Variants in ZNF549 observed in about 807,000 individuals in gnomAD.
ZNF549 encodes the protein zinc finger protein 549.
Under a neutral mutation model 11.1 loss-of-function variants are expected in ZNF549, and 11 were observed. The ratio of observed to expected loss-of-function variants is 0.99; its 90% CI spans 0.62 to 1.64. The LOEUF (loss-of-function observed/expected upper bound fraction) is 1.64, where lower values mean the gene tolerates loss of function less well. Ranked by LOEUF, ZNF549 falls within the 40% of genes most tolerant of loss-of-function variation. ZNF549 has a pLI of 0.00. For missense variants in ZNF549, 748 were observed against 765.1 expected (o/e 0.98, Z 0.26); for synonymous variants, 266 against 269.1 (o/e 0.99, Z 0.11).
Position 57,537,407 on chromosome 19 carries a change from G to A in ZNF549, c.403G>A (p.Val135Met), listed in dbSNP as rs2089930087. The change falls in exon 4 of 4, where the codon GTG (valine) becomes ATG (methionine). Residue 135 changes from valine (V) to methionine (M), a missense_variant. By Grantham distance (21) the Val-to-Met change is conservative. Transcript: ENST00000376233. ...TCCCTGGCAGAAACCTTATACGTCT[G>A]TGGCCAGTGGGAAATGGTTTTCATT... The part of the protein sequence containing the change: ...TLPWQKPYTS[V>M]ASGKWFSFGS... 3.7e-6 allele frequency: 6 copies of A among 1,614,202 alleles called. No individual in the cohort carries two copies. Among genetic ancestry groups the A allele is most frequent in the South Asian group, 1.1e-5 (1 of 91,080 alleles).
rs2089930938 is a variant in ZNF549 at position 57,537,527 on chromosome 19, A to G, written c.523A>G (p.Ile175Val). The change falls in exon 4 of 4, where the codon ATT becomes GTT. Residue 175 changes from isoleucine (I) to valine (V), a missense_variant. Coordinates refer to ENST00000376233, the MANE Select transcript of ZNF549 (RefSeq NM_001199295.2). ...TGCCTTGCTTCTGAATAGCTGCAAA[A>G]TTCCTCTGTCAGACAATCTTTTCCC... ...SSALLLNSCK[I>V]PLSDNLFPCK... 2 of 1,614,198 alleles carry G rather than the reference A, an allele frequency of 1.2e-6. No individual in the cohort carries two copies. Among genetic ancestry groups the G allele is most frequent in the Non-Finnish European group, 1.7e-6 (2 of 1,180,026 alleles).
At chr19:57,533,607 AG>A (rs2089912698) in intron 2 of ZNF549, among the ~76,000 whole-genome samples, 1 of 152,162 alleles carries the variant, frequency 6.6e-6, no homozygotes, top group Admixed American at 6.5e-5. Flanking sequence ...GCCCCCTATC[AG>A]AGTGCCTCCT....
At chr19:57,529,726 A>G (rs866730001) in intron 1 of ZNF549, among the ~76,000 whole-genome samples, 1 of 152,140 alleles carries the variant, frequency 6.6e-6, no homozygotes, top group African/African-American at 2.4e-5. Context: ...CTCTACTAAA[A>G]ATACAAAAAA....
rs2089946034 is a variant in ZNF549, at chr19:57,539,579, A to G, written c.*652A>G. 6.6e-6 allele frequency: 1 copy of G among 152,254 alleles called. No homozygotes were observed. The highest frequency in any genetic ancestry group is 1.5e-5 in the Non-Finnish European group (1 of 68,100). The allele number at this position is 152,254 out of a possible 1,614,324, so 9.4% of individuals were successfully genotyped here. ...CAAGGTCTCCTAGGAAGGAGAGCAG[A>G]GCTGTGTGGTCCTAATCATGGTGTC... On this transcript the variant is annotated 3_prime_UTR_variant, in exon 4 of 4. Transcript: ENST00000376233.
chr19:57,538,789 C>T lies in ZNF549; in HGVS notation c.1785C>T (p.Ile595=), dbSNP rs897542435. ...GCACTGCATGTGAGAAGGCCTTTAT[C>T]TATAAAAACAAACTTGTTGAGCATC... ...YNCTACEKAF[I]YKNKLVEHQR... Residue 595 remains isoleucine (I), a synonymous_variant, in exon 4 of 4, where the codon ATC becomes ATT. Coordinates refer to ENST00000376233, the MANE Select transcript of ZNF549 (RefSeq NM_001199295.2). 5.6e-6 allele frequency: 9 copies of T among 1,614,038 alleles called. No individual in the cohort carries two copies. The highest frequency in any genetic ancestry group is 7.6e-6 in the Non-Finnish European group (9 of 1,180,036).
At position 57,538,875 on chromosome 19, in the gene ZNF549, A is replaced by G. The variant is rs200441234; in HGVS notation, c.1871A>G (p.Lys624Arg). ...ECGKCGKAFNKRYSLVRHQKV... is the reference protein window; with the variant it reads ...ECGKCGKAFNRRYSLVRHQKV... ...GGTAAATGTGGGAAAGCCTTCAACA[A>G]AAGATATTCCCTTGTCAGGCACCAG... Residue 624 changes from lysine to arginine, a missense_variant, in exon 4 of 4, where the codon AAA becomes AGA. By Grantham distance (26) the Lys-to-Arg change is conservative (BLOSUM62 2). Transcript: ENST00000376233. 1 of 1,610,980 alleles carries G rather than the reference A, an allele frequency of 6.2e-7. No individual in the cohort carries two copies. Among genetic ancestry groups the G allele is most frequent in the Non-Finnish European group, 8.5e-7 (1 of 1,180,010 alleles).
Position 57,539,099 on chromosome 19 carries a change from T to C in ZNF549, c.*172T>C, listed in dbSNP as rs370991616. Reference sequence around the variant, plus strand: ...CTTTCTAGAGATTACTTGTACTTTCTAATCTGCCCAGTGTTACAACAGACA... The same window carrying C: ...CTTTCTAGAGATTACTTGTACTTTCCAATCTGCCCAGTGTTACAACAGACA... On this transcript the variant is annotated 3_prime_UTR_variant, in exon 4 of 4. Transcript: ENST00000376233. 18 of 704,708 alleles carry C rather than the reference T, an allele frequency of 2.6e-5. No individual in the cohort carries two copies. Among genetic ancestry groups the C allele is most frequent in the Admixed American group, 1.2e-4 (4 of 34,016 alleles). The allele number at this position is 704,708 out of a possible 1,614,324, so 43.7% of individuals were successfully genotyped here.
At chr19:57,535,731 G>C (rs1364450589) in intron 3 of ZNF549, among the ~76,000 whole-genome samples, 1 of 152,136 alleles carries the variant, frequency 6.6e-6, no homozygotes, top group African/African-American at 2.4e-5. Context: ...CCTGTAGTCT[G>C]TCATGGGTTG....
chr19:57,537,586 C>G lies in ZNF549; in HGVS notation c.582C>G (p.Ile194Met). The stretch of plus-strand genomic sequence containing the variant: ...ATGTTGAGAAGGATTTTCCAACCAT[C>G]CTGGGCCTTCTCCAACACCAGACCA... ...CKDVEKDFPT[I>M]LGLLQHQTTH... The change falls in exon 4 of 4, where the codon ATC becomes ATG. Residue 194 changes from isoleucine to methionine, a missense_variant. Coordinates refer to ENST00000376233, the MANE Select transcript of ZNF549 (RefSeq NM_001199295.2). 1 of 1,614,180 alleles carries G rather than the reference C, an allele frequency of 6.2e-7. No homozygotes were observed. The highest frequency in any genetic ancestry group is 8.5e-7 in the Non-Finnish European group (1 of 1,180,024).
intron 1 of ZNF549, among the ~76,000 whole-genome samples, chr19:57,530,581 G>T (rs765909355): frequency 1.3e-5 from 2 of 152,186 alleles, no homozygotes; most frequent in Non-Finnish European, 2.9e-5. Flanking sequence ...GCCATATGAA[G>T]TGAGGGCAGT....
In ZNF549 at chr19:57,538,118, C is replaced by T; in HGVS notation, c.1114C>T (p.His372Tyr). 4 of 1,614,054 alleles carry T rather than the reference C, an allele frequency of 2.5e-6. No homozygotes were observed. Among genetic ancestry groups the T allele is most frequent in the Non-Finnish European group, 3.4e-6 (4 of 1,179,996 alleles). ...TATGGAATGTGGGAAATCTTTTATT[C>T]ATTCCTATGACCGCATTCGACACCA... The part of the protein sequence containing the change: ...VCMECGKSFI[H>Y]SYDRIRHQRV... Residue 372 changes from histidine (H) to tyrosine (Y), a missense_variant, in exon 4 of 4, where the codon CAT (histidine) becomes TAT (tyrosine). Transcript: ENST00000376233.
At chr19:57,528,068 A>C (rs1029787520) in intron 1 of ZNF549, among the ~76,000 whole-genome samples, 1 of 152,264 alleles carries the variant, frequency 6.6e-6, no homozygotes, top group East Asian at 1.9e-4. Context: ...ACTGGTGAGG[A>C]GACTGCTGTA....
chr19:57,527,534 T>C lies in ZNF549; in HGVS notation c.-40T>C. The C allele has an allele frequency of 6.2e-7, 1 of 1,612,478 alleles. No homozygotes were observed. The highest frequency in any genetic ancestry group is 8.5e-7 in the Non-Finnish European group (1 of 1,179,674). ...CGCACGCACGCCGGATCCCGGGCTTTACCGCCCGCCTTTCCAGGCCCCGCC... is the reference window on the plus strand; with the variant it reads ...CGCACGCACGCCGGATCCCGGGCTTCACCGCCCGCCTTTCCAGGCCCCGCC... On this transcript the variant is annotated 5_prime_UTR_variant, in exon 1 of 4. Coordinates refer to ENST00000376233, the MANE Select transcript of ZNF549 (RefSeq NM_001199295.2).
chr19:57,536,477 G>A (rs932148510), intron 3 of ZNF549, among the ~76,000 whole-genome samples: 3 of 152,198 alleles, frequency 2.0e-5, no homozygotes, highest in African/African-American at 7.2e-5. Context: ...TCATCATAAA[G>A]TGGAAAAATC....
At chr19:57,530,490 G>T (rs762493527) in intron 1 of ZNF549, among the ~76,000 whole-genome samples, 1 of 152,150 alleles carries the variant, frequency 6.6e-6, no homozygotes, top group African/African-American at 2.4e-5. Flanking sequence ...ATTATTGAAC[G>T]TAAGGAGAGA....
Position 57,527,605 on chromosome 19 carries a change from A to T in ZNF549, c.32A>T (p.Gln11Leu). The T allele has an allele frequency of 6.2e-7, 1 of 1,613,668 alleles. No individual in the cohort carries two copies. Residue 11 changes from glutamine (Q) to leucine (L), a missense_variant and splice_region_variant, in exon 1 of 4, where the codon CAG (glutamine) becomes CTG (leucine). Physicochemically the swap from Gln to Leu is moderately radical, Grantham distance 113. Coordinates refer to ENST00000376233, the MANE Select transcript of ZNF549 (RefSeq NM_001199295.2). ...GAGGCAGCGCTAGTGATTACGCCGC[A>T]GGTGAGAGCGGAGTCCTCGGATCCT... MAEAALVITPQIPMVTEEFVK... is the reference protein window; with the variant it reads MAEAALVITPLIPMVTEEFVK...
rs778481515 is a variant in ZNF549, at chr19:57,538,733, A to G, written c.1729A>G (p.Lys577Glu). The G allele has an allele frequency of 2.5e-6, 4 of 1,614,096 alleles. No individual in the cohort carries two copies. The highest frequency in any genetic ancestry group is 1.3e-5 in the African/African-American group (1 of 74,942). ...CCGCACCAGCCTCATTCAACACCAG[A>G]AAGTTCACAGTGGAGAGAGGCCTTA... ...RHRTSLIQHQKVHSGERPYNC... is the reference protein window; with the variant it reads ...RHRTSLIQHQEVHSGERPYNC... The change falls in exon 4 of 4, where the codon AAA becomes GAA. Residue 577 changes from lysine (K) to glutamate (E), a missense_variant. Transcript: ENST00000376233.
At chr19:57,537,149 C>T (rs747998563) in intron 3 of ZNF549, 55 bp from the exon 4 acceptor site, 29 of 1,548,466 alleles carry the variant, frequency 1.9e-5, no homozygotes, top group Non-Finnish European at 2.5e-5. Context: ...TGTAATGGAG[C>T]TGTTCCCTTC....
Position 57,539,220 on chromosome 19 carries a change from A to G in ZNF549, c.*293A>G. 1 of 307,100 alleles carries G rather than the reference A, an allele frequency of 3.3e-6. No individual in the cohort carries two copies. Among genetic ancestry groups the G allele is most frequent in the Non-Finnish European group, 6.1e-6 (1 of 164,736 alleles). The allele number at this position is 307,100 out of a possible 1,614,324, so 19.0% of individuals were successfully genotyped here. A position where few individuals can be genotyped will look rare whatever the true frequency, so the allele number is the denominator to read the frequency against. On this transcript the variant is annotated 3_prime_UTR_variant, in exon 4 of 4. Coordinates refer to ENST00000376233, the MANE Select transcript of ZNF549 (RefSeq NM_001199295.2). ...CTTACCAAATTCTGAAGGGAATAAT[A>G]TAATAAAAGCCTGTTGAGGGTCCTC... is the stretch of plus-strand genomic sequence containing the variant.
Sources: allele counts gnomAD v4.1 joint callset (sites outside exome capture counted in the v4.1 genomes callset), GRCh38; gene constraint gnomAD v4.1.1; transcripts MANE v1.5; gene names NCBI Gene and HGNC (gene_info 2026-07-23, HGNC 2026-07-21).